RALGDS: variants seen among roughly 807,000 people sequenced by gnomAD.
RALGDS encodes ral guanine nucleotide exchange factor.
In RALGDS, 44 loss-of-function variants were observed where a neutral mutation model predicts 99.8. The observed-to-expected ratio is 0.44, with a 90% CI of 0.35 to 0.57. The LOEUF (loss-of-function observed/expected upper bound fraction) is 0.57, where lower values mean the gene tolerates loss of function less well. Ranked by LOEUF, RALGDS falls within the 20% of genes least tolerant of loss-of-function variation. The pLI, the probability that RALGDS is intolerant of heterozygous loss-of-function variation, is 0.01. For synonymous variants in RALGDS, 529 were observed against 505.0 expected, an observed-to-expected ratio of 1.05 and a Z score of -0.64; for missense variants, 1,022 against 1,203.1, an observed-to-expected ratio of 0.85 and a Z score of 2.23.
At chr9:133,134,749 C>T (rs576997710), upstream of RALGDS, among the ~76,000 whole-genome samples, 1 of 152,184 alleles carries the variant, frequency 6.6e-6, no homozygotes, top group Non-Finnish European at 1.5e-5. Flanking sequence ...TCCAACCTGG[C>T]GCCTAAACCA....
chr9:133,127,629 C>A (rs183242504), intron 1 of RALGDS, among the ~76,000 whole-genome samples: 23 of 152,334 alleles, frequency 1.5e-4, no homozygotes, highest in African/African-American at 5.3e-4. Flanking sequence ...AGCTGGACCA[C>A]GCGTGGGAAC....
chr9:133,102,939 C>T (rs750238465), intron 12 of RALGDS, 39 bp from the exon 13 acceptor site: 34 of 1,610,128 alleles, frequency 2.1e-5, no homozygotes, highest in Non-Finnish European at 2.8e-5. Flanking sequence ...GACAAGGCCC[C>T]CCGGGCAGCA....
chr9:133,107,888 G>T, intron 6 of RALGDS, 100 bp downstream of exon 6: 1 of 1,450,690 alleles, frequency 6.9e-7, no homozygotes, highest in Non-Finnish European at 9.5e-7. Flanking sequence ...GCTGGGATTT[G>T]ACCAGAACAT....
chr9:133,106,075 G>A (rs922085592), intron 8 of RALGDS, 59 bp from the exon 9 acceptor site: 3 of 1,357,422 alleles, frequency 2.2e-6, no homozygotes, highest in Middle Eastern at 1.8e-4. Flanking sequence ...GGGTGTGAGT[G>A]CAAATCCGTT....
intron 1 of RALGDS, among the ~76,000 whole-genome samples, chr9:133,140,812 C>T (rs1032516676): frequency 5.3e-5 from 8 of 152,176 alleles, no homozygotes; most frequent in Non-Finnish European, 1.2e-4. Context: ...ATCCGCCCGC[C>T]TTCTTGGCGT....
chr9:133,111,368 C>T (rs1017962564), intron 2 of RALGDS, among the ~76,000 whole-genome samples: 1 of 151,558 alleles, frequency 6.6e-6, no homozygotes, highest in Non-Finnish European at 1.5e-5. Flanking sequence ...GCAACCTCAG[C>T]CTCCTGGGCT....
Position 133,100,687 on chromosome 9 carries a change from C to T in RALGDS, c.2455-305G>A, listed in dbSNP as rs1030641191. 11 of 1,267,216 alleles carry T rather than the reference C, an allele frequency of 8.7e-6. No homozygotes were observed. The African/African-American group carries it at 1.1e-4, about 12-fold the overall frequency. The allele number at this position is 1,267,216 out of a possible 1,614,324, so 78.5% of individuals were successfully genotyped here. Reference sequence around the variant, plus strand: ...CCACACTTCCTTGAGAAGCACTTGCCCCTCCAGGATAACAGCATCACTGAG... The same window carrying T: ...CCACACTTCCTTGAGAAGCACTTGCTCCTCCAGGATAACAGCATCACTGAG... On this transcript the variant is annotated intron_variant, in intron 16 of 17. Transcript: ENST00000372050.
At position 133,131,017 on chromosome 9, in the gene RALGDS, A is replaced by G. The variant is rs745910208; in HGVS notation, c.67T>C (p.Ser23Pro). The G allele has an allele frequency of 5.9e-6, 9 of 1,534,952 alleles. 1 individual carries two copies. In the South Asian group the frequency reaches 1.1e-4, roughly 18 times the overall value. The change falls in exon 1 of 18, where the codon TCC becomes CCC. Residue 23 changes from serine to proline, a missense_variant. Transcript: ENST00000372062. ...TGCAAGTGGAGGGCACAGGGCAGGG[A>G]GCAGAACAGCAGAGGCGGGGAGGAG...
At position 133,114,129 on chromosome 9, in the gene RALGDS, C is replaced by T. The variant is rs1204916496; in HGVS notation, c.184-1977G>A. Reference sequence around the variant, plus strand: ...GGTGTCATGTGATCCCTGCACCCTTCCCCCACCCCCGGGGGGCCCTCTTCT... The same window carrying T: ...GGTGTCATGTGATCCCTGCACCCTTTCCCCACCCCCGGGGGGCCCTCTTCT... On this transcript the variant is annotated intron_variant, in intron 1 of 17. Transcript: ENST00000372050. Among the ~76,000 whole-genome samples, 7 of 152,154 alleles carry T rather than the reference C, an allele frequency of 4.6e-5. No individual in the cohort carries two copies. In the South Asian group the frequency reaches 6.2e-4, roughly 14 times the overall value.
At chr9:133,110,588 G>A (rs1291168028) in intron 2 of RALGDS, 99 bp from the exon 3 acceptor site, 16 of 1,011,426 alleles carry the variant, frequency 1.6e-5, no homozygotes, top group Non-Finnish European at 2.4e-5. Flanking sequence ...GTGGCAAGAG[G>A]CAGGACTGAG....
In RALGDS at chr9:133,108,169, G is replaced by GGAGCTGGCTCTAGTTCCA. The variant is rs1564234915; in HGVS notation, c.998_1015dup (p.Leu333_Ala338dup). The GGAGCTGGCTCTAGTTCCA allele has an allele frequency of 1.9e-6, 3 of 1,613,498 alleles. No homozygotes were observed. Among genetic ancestry groups the GGAGCTGGCTCTAGTTCCA allele is most frequent in the South Asian group, 2.2e-5 (2 of 91,032 alleles). On this transcript the variant is annotated inframe_insertion, in exon 6 of 18. Coordinates refer to ENST00000372050, the MANE Select transcript of RALGDS (RefSeq NM_006266.4). ...TTGTGAGGGAGCTGGATCCTGTTCT[G>GGAGCTGGCTCTAGTTCCA]GAGCTGGCTCTAGTTCCAGAGCTGG...
chr9:133,139,612 G>C (rs142030067), intron 1 of RALGDS, among the ~76,000 whole-genome samples: 1 of 152,162 alleles, frequency 6.6e-6, no homozygotes, highest in Non-Finnish European at 1.5e-5. Context: ...AGTGGGATGC[G>C]TGGCCTGGGC....
At chr9:133,143,771 T>TAATAATAATAACAACAAC (rs1554745676) in intron 1 of RALGDS, among the ~76,000 whole-genome samples, 1 of 111,624 alleles carries the variant, frequency 9.0e-6, no homozygotes, top group Admixed American at 9.7e-5. Flanking sequence ...ATAATAATAA[T>TAATAATAATAACAACAAC]AACAACAACA....
intron 1 of RALGDS, among the ~76,000 whole-genome samples, chr9:133,119,168 C>T (rs943371335): frequency 3.9e-5 from 6 of 152,126 alleles, no homozygotes; most frequent in African/African-American, 1.2e-4. Context: ...AACAGGGATG[C>T]GGGGGAAGGC....
Position 133,101,744 on chromosome 9 carries a change from G to C in RALGDS, c.2230C>G (p.Gln744Glu), listed in dbSNP as rs908189074. Residue 744 changes from glutamine to glutamate, a missense_variant, in exon 16 of 18, where the codon CAG (glutamine) becomes GAG (glutamate). This residue lies in a region of RALGDS where 825 missense variants were observed against 994.5 expected (regional missense o/e 0.83). Transcript: ENST00000372050. ...QEKKFWESAS[Q>E]SSPETSGISS... ...ATGCCGGAGGTCTCCGGGGATGACT[G>C]TGAGGCTGATTCCCAGAACTGAGGG... 1.5e-5 allele frequency: 24 copies of C among 1,611,140 alleles called. No homozygotes were observed. Among genetic ancestry groups the C allele is most frequent in the Non-Finnish European group, 1.8e-5 (21 of 1,178,662 alleles).
intron 1 of RALGDS, among the ~76,000 whole-genome samples, chr9:133,138,854 C>G (rs1832468260): frequency 6.6e-6 from 1 of 152,200 alleles, no homozygotes; most frequent in South Asian, 2.1e-4. Context: ...AGGCTGGCCT[C>G]AAACTCCTGA....
At chr9:133,125,579 C>CA (rs1374177761), upstream of RALGDS, among the ~76,000 whole-genome samples, 4 of 151,868 alleles carry the variant, frequency 2.6e-5, no homozygotes, top group Admixed American at 6.6e-5. Context: ...ACTAAAAATA[C>CA]AAAAAAATTA....
At chr9:133,146,440 C>T (rs1053324903) in intron 1 of RALGDS, among the ~76,000 whole-genome samples, 2 of 152,284 alleles carry the variant, frequency 1.3e-5, no homozygotes, top group South Asian at 2.1e-4. Context: ...GATCCACCCG[C>T]CTCGGCCTCC....
At chr9:133,103,151 G>A (rs1830842256) in intron 12 of RALGDS, 79 bp downstream of exon 12, 5 of 1,554,864 alleles carry the variant, frequency 3.2e-6, no homozygotes, top group East Asian at 2.2e-5. Context: ...TCTAAGGAGA[G>A]GGTAGGAGTT....
Sources: gnomAD v4.1 joint callset for allele counts (sites outside exome capture counted in the v4.1 genomes callset) on GRCh38, gnomAD v4.1.1 for gene constraint, gnomAD v4.1.1 regional missense constraint, MANE v1.5 for transcripts, NCBI Gene and HGNC (gene_info 2026-07-23, HGNC 2026-07-21) for gene names.